NTM: variants seen among roughly 807,000 people sequenced by gnomAD.
NTM encodes the protein neurotrimin, also known as IgLON family member 2.
NTM carries 13 observed loss-of-function variants against 42.1 expected under a neutral mutation model. The ratio of observed to expected loss-of-function variants is 0.31; its 90% CI spans 0.20 to 0.49. NTM has a LOEUF of 0.49. Among genes scored for constraint, NTM ranks in the 20% least tolerant of loss-of-function variants. NTM has a pLI of 0.99. For synonymous variants in NTM, 187 were observed against 179.2 expected (o/e 1.04, Z -0.35); for missense variants, 373 against 452.8 (o/e 0.82, Z 1.60).
intron 2 of NTM, among the ~76,000 whole-genome samples, chr11:132,045,478 A>G (rs893841466): frequency 6.6e-6 from 1 of 152,170 alleles, no homozygotes; most frequent in Non-Finnish European, 1.5e-5. Context: ...ATTTTTGTGT[A>G]TTCCCTTATA....
intron 1 of NTM, among the ~76,000 whole-genome samples, chr11:131,577,950 T>C (rs2058075814): frequency 6.6e-6 from 1 of 152,226 alleles, no homozygotes. Flanking sequence ...AAGTTTACAC[T>C]GAATACCAGT....
intron 1 of NTM, among the ~76,000 whole-genome samples, chr11:131,610,281 A>G (rs2061361355): frequency 6.6e-6 from 1 of 152,252 alleles, no homozygotes; most frequent in African/African-American, 2.4e-5. Flanking sequence ...GTCCAGAATC[A>G]AAGGCTTTGG....
At chr11:131,517,081 T>A (rs1037134523) in intron 1 of NTM, among the ~76,000 whole-genome samples, 8 of 152,194 alleles carry the variant, frequency 5.3e-5, no homozygotes, top group African/African-American at 9.6e-5. Flanking sequence ...CTTTCCCAGT[T>A]TTGCAGCAGA....
chr11:131,832,941 C>T (rs1442329929), intron 1 of NTM, among the ~76,000 whole-genome samples: 2 of 152,142 alleles, frequency 1.3e-5, no homozygotes, highest in Admixed American at 1.3e-4. Context: ...AATGAGATTT[C>T]TCCTTTACTA....
At chr11:132,259,692 G>GA (rs2092724707) in intron 4 of NTM, among the ~76,000 whole-genome samples, 1 of 151,576 alleles carries the variant, frequency 6.6e-6, no homozygotes. Context: ...AAAACAAGAA[G>GA]TTTTTTAGTT....
intron 4 of NTM, among the ~76,000 whole-genome samples, chr11:132,223,862 C>T (rs1295042985): frequency 6.6e-6 from 1 of 152,032 alleles, no homozygotes; most frequent in Non-Finnish European, 1.5e-5. Context: ...AGGGGAAGGC[C>T]CATGAGAAGA....
At chr11:131,491,895 A>G (rs1232038865) in intron 1 of NTM, among the ~76,000 whole-genome samples, 1 of 152,218 alleles carries the variant, frequency 6.6e-6, no homozygotes, top group East Asian at 1.9e-4. Flanking sequence ...ATAATCCGAC[A>G]ATAATAACAT....
At position 131,779,914 on chromosome 11, in the gene NTM, G is replaced by A. The variant is rs146552649; in HGVS notation, c.83-131650G>A. 4.0e-4 allele frequency among the ~76,000 whole-genome samples: 61 copies of A among 152,280 alleles called. 1 individual carries two copies. The highest frequency in any genetic ancestry group is 1.3e-3 in the African/African-American group (56 of 41,560). ...ACCTTAGAGAAGCACTACTCCAAGTGTCATCCAAGGGGGAACAGCACGGGT... is the reference window on the plus strand; with the variant it reads ...ACCTTAGAGAAGCACTACTCCAAGTATCATCCAAGGGGGAACAGCACGGGT... On this transcript the variant is annotated intron_variant, in intron 1 of 8. Coordinates refer to ENST00000683400, the MANE Select transcript of NTM (RefSeq NM_001352005.2).
At chr11:131,397,296 A>G (rs1314145282) in intron 1 of NTM, among the ~76,000 whole-genome samples, 1 of 152,126 alleles carries the variant, frequency 6.6e-6, no homozygotes, top group Admixed American at 6.6e-5. Context: ...TTCAGCTGAG[A>G]GGATCCCTCA....
intron 4 of NTM, among the ~76,000 whole-genome samples, chr11:132,302,625 T>C (rs2094908787): frequency 6.6e-6 from 1 of 152,084 alleles, no homozygotes; most frequent in Non-Finnish European, 1.5e-5. Flanking sequence ...TGTAAACTGG[T>C]TTCCTAGCTG....
chr11:131,864,057 A>G (rs1565644417), intron 1 of NTM, among the ~76,000 whole-genome samples: 1 of 152,124 alleles, frequency 6.6e-6, no homozygotes, highest in Non-Finnish European at 1.5e-5. Context: ...GGGGTCAGGG[A>G]GGAAAGGAGG....
chr11:131,432,839 C>CATTTTTTTTTTTTTTTTTTTT lies in NTM; in HGVS notation c.82+61951_82+61952insATTTTTTTTTTTTTTTTTTTT, dbSNP rs1565494793. ...CTACAAAAGATGAAGATTTAGCATTCTTTTTTTTTTTTTTTTTTTTTTTTT... is the reference window on the plus strand; with the variant it reads ...CTACAAAAGATGAAGATTTAGCATTCATTTTTTTTTTTTTTTTTTTTTTTTTTTTTTTTTTTTTTTTTTTTT... On this transcript the variant is annotated intron_variant, in intron 1 of 8. Coordinates refer to ENST00000683400, the MANE Select transcript of NTM (RefSeq NM_001352005.2). Among the ~76,000 whole-genome samples, 13 of 68,686 alleles carry CATTTTTTTTTTTTTTTTTTTT rather than the reference C, an allele frequency of 1.9e-4. 1 individual carries two copies. The highest frequency in any genetic ancestry group is 5.7e-4 in the South Asian group (1 of 1,762). The allele number at this position is 68,686 out of a possible 152,430, so 45.1% of individuals were successfully genotyped here.
At chr11:131,589,513 C>T (rs1173270291) in intron 1 of NTM, among the ~76,000 whole-genome samples, 1 of 152,306 alleles carries the variant, frequency 6.6e-6, no homozygotes, top group African/African-American at 2.4e-5. Flanking sequence ...GGCAAAACAA[C>T]CCTGTCCTCT....
At chr11:132,154,514 G>A (rs188159895) in intron 3 of NTM, among the ~76,000 whole-genome samples, 76 of 152,288 alleles carry the variant, frequency 5.0e-4, no homozygotes, top group African/African-American at 1.7e-3. Flanking sequence ...TTCTTCCATA[G>A]TATAGTAAGG....
At chr11:131,479,799 C>T (rs971712305) in intron 1 of NTM, among the ~76,000 whole-genome samples, 8 of 152,044 alleles carry the variant, frequency 5.3e-5, no homozygotes, top group Non-Finnish European at 5.9e-5. Flanking sequence ...TGTGTGAGAA[C>T]GTCAGCACAG....
At chr11:131,837,687 G>A (rs536674830) in intron 1 of NTM, among the ~76,000 whole-genome samples, 2 of 152,256 alleles carry the variant, frequency 1.3e-5, no homozygotes, top group South Asian at 4.1e-4. Flanking sequence ...CAACTCCTGG[G>A]TGGAAAAGGT....
rs7121513 is a variant in NTM at position 131,985,022 on chromosome 11, C to G, written c.167+73374C>G. On this transcript the variant is annotated intron_variant, in intron 2 of 8. Transcript: ENST00000683400. ...TAATCTTCTTCCTGACATTTGAGAT[C>G]CAGACTGAGTTGGTGTTCTCAAACA... Among the ~76,000 whole-genome samples the G allele has an allele frequency of 3.0e-3, 453 of 152,196 alleles. 4 individuals are homozygous for G. Among genetic ancestry groups the G allele is most frequent in the African/African-American group, 0.01 (432 of 41,544 alleles).
At position 131,523,522 on chromosome 11, in the gene NTM, C is replaced by A. The variant is rs537332955; in HGVS notation, c.82+152634C>A. On this transcript the variant is annotated intron_variant, in intron 1 of 8. Transcript: ENST00000683400. Reference sequence around the variant, plus strand: ...GAAAAGGAAGGGTCAGGCGCAGTGGCTGATTCCTGTAATCCCAGCACTTTG... The same window carrying A: ...GAAAAGGAAGGGTCAGGCGCAGTGGATGATTCCTGTAATCCCAGCACTTTG... Among the ~76,000 whole-genome samples the A allele has an allele frequency of 5.9e-5, 9 of 152,258 alleles. No individual in the cohort carries two copies. The East Asian group carries it at 1.5e-3, about 26-fold the overall frequency.
chr11:132,216,922 T>C (rs1358526529), intron 4 of NTM, among the ~76,000 whole-genome samples: 1 of 152,162 alleles, frequency 6.6e-6, no homozygotes, highest in Admixed American at 6.5e-5. Flanking sequence ...TTTCCTGAAG[T>C]CCCCTTGAGG....
Sources: gnomAD v4.1 joint callset for allele counts (sites outside exome capture counted in the v4.1 genomes callset) on GRCh38, gnomAD v4.1.1 for gene constraint, MANE v1.5 for transcripts, NCBI Gene and HGNC (gene_info 2026-07-23, HGNC 2026-07-21) for gene names.